EPS15L1: variants seen among roughly 807,000 people sequenced by gnomAD.
EPS15L1 encodes epidermal growth factor receptor pathway substrate 15 like 1.
EPS15L1 carries 43 observed loss-of-function variants against 117.1 expected under a neutral mutation model. The observed-to-expected ratio is 0.37, with a 90% CI of 0.29 to 0.47. The LOEUF is 0.47. Ranked by LOEUF, EPS15L1 falls within the 20% of genes least tolerant of loss-of-function variation. The probability of loss-of-function intolerance (pLI) is 0.99; values close to 1 mark genes in which losing one functional copy is unlikely to be tolerated. For synonymous variants in EPS15L1, 459 were observed against 470.5 expected (o/e 0.98, Z 0.32); for missense variants, 981 against 1,164.0 (o/e 0.84, Z 2.29).
chr19:16,417,417 A>C, intron 12 of EPS15L1, 135 bp downstream of exon 12: 1 of 735,404 alleles, frequency 1.4e-6, no homozygotes, highest in East Asian at 2.7e-5. Flanking sequence ...GGACCTCAGA[A>C]GCTGTATCTT....
intron 1 of EPS15L1, among the ~76,000 whole-genome samples, chr19:16,462,600 G>A (rs2093263701): frequency 6.6e-6 from 1 of 152,164 alleles, no homozygotes; most frequent in Non-Finnish European, 1.5e-5. Context: ...CCCAGATGGC[G>A]GAAGCTGCAG....
chr19:16,452,304 A>G (rs978755082), intron 1 of EPS15L1, among the ~76,000 whole-genome samples: 1 of 151,476 alleles, frequency 6.6e-6, no homozygotes, highest in Non-Finnish European at 1.5e-5. Context: ...AAATTAGCCA[A>G]GCGTGGTGGC....
intron 15 of EPS15L1, among the ~76,000 whole-genome samples, chr19:16,403,479 C>T (rs1186358168): frequency 6.6e-6 from 1 of 152,174 alleles, no homozygotes; most frequent in Non-Finnish European, 1.5e-5. Flanking sequence ...GTTCCCACCC[C>T]ACCCCGCCTA....
chr19:16,465,032 T>C (rs1599697356), intron 1 of EPS15L1, among the ~76,000 whole-genome samples: 1 of 151,660 alleles, frequency 6.6e-6, no homozygotes, highest in Admixed American at 6.6e-5. Context: ...TGAGCCGAAA[T>C]TGCACCACTG....
At chr19:16,364,739 C>T (rs1465226585) in intron 22 of EPS15L1, among the ~76,000 whole-genome samples, 1 of 152,206 alleles carries the variant, frequency 6.6e-6, no homozygotes, top group Non-Finnish European at 1.5e-5. Flanking sequence ...TCCTGTGAGC[C>T]CCAGGCTGTC....
intron 1 of EPS15L1, among the ~76,000 whole-genome samples, chr19:16,468,613 T>C (rs2093323440): frequency 6.6e-6 from 1 of 152,212 alleles, no homozygotes; most frequent in South Asian, 2.1e-4. Flanking sequence ...CCTAAAGTGC[T>C]GGGATTATAG....
chr19:16,425,388 C>A, intron 8 of EPS15L1, 72 bp from the exon 9 acceptor site: 1 of 1,111,874 alleles, frequency 9.0e-7, no homozygotes, highest in Non-Finnish European at 1.3e-6. Flanking sequence ...AGGCAGAGGG[C>A]AGCCCTTTGG....
intron 12 of EPS15L1, among the ~76,000 whole-genome samples, chr19:16,415,898 T>C (rs930670075): frequency 2.0e-5 from 3 of 152,264 alleles, no homozygotes; most frequent in African/African-American, 7.2e-5. Context: ...TGGCCCTGCA[T>C]CCTCAAGACA....
rs2092643735 is a variant in EPS15L1 at position 16,405,147 on chromosome 19, C to A, written c.1267-398G>T. On this transcript the variant is annotated intron_variant, in intron 13 of 23. Coordinates refer to ENST00000455140, the MANE Select transcript of EPS15L1 (RefSeq NM_001258374.3). The surrounding 1 kb of genome is among the most constrained non-coding windows in gnomAD (Gnocchi z 4.0). ...GGAAACTACAGTCACACCTTGTGGG[C>A]AGGGAAGATGCCCACAAAAGCAGCA... Among the ~76,000 whole-genome samples the A allele has an allele frequency of 6.6e-6, 1 of 152,208 alleles. No homozygotes were observed. The highest frequency in any genetic ancestry group is 1.5e-5 in the Non-Finnish European group (1 of 68,040).
intron 19 of EPS15L1, among the ~76,000 whole-genome samples, chr19:16,390,127 C>A (rs926171488): frequency 6.6e-6 from 1 of 151,424 alleles, no homozygotes. Flanking sequence ...ATGCTACTTA[C>A]AAAAGACACC....
chr19:16,428,766 A>G lies in EPS15L1; in HGVS notation c.499-5T>C, dbSNP rs2092902454. 1.2e-6 allele frequency: 2 copies of G among 1,607,984 alleles called. No individual in the cohort carries two copies. Among genetic ancestry groups the G allele is most frequent in the Non-Finnish European group, 1.7e-6 (2 of 1,177,512 alleles). The stretch of plus-strand genomic sequence containing the variant: ...AATGTCACTGAGGTCCCAGACCTGC[A>G]AGGGAGAGACCAGCATGGGTAACTG... On this transcript the variant is annotated splice_polypyrimidine_tract_variant and splice_region_variant and intron_variant, in intron 7 of 23. Coordinates refer to ENST00000455140, the MANE Select transcript of EPS15L1 (RefSeq NM_001258374.3).
intron 22 of EPS15L1, among the ~76,000 whole-genome samples, chr19:16,369,933 G>A (rs532632509): frequency 1.7e-4 from 26 of 152,316 alleles, no homozygotes; most frequent in Middle Eastern, 3.4e-3. Context: ...AGCCAGGCAC[G>A]GGGAGCCCTG....
chr19:16,461,584 T>C (rs1036519771), intron 1 of EPS15L1, among the ~76,000 whole-genome samples: 9 of 151,930 alleles, frequency 5.9e-5, no homozygotes, highest in African/African-American at 1.9e-4. Flanking sequence ...ATCGCGCCAC[T>C]GCACTCCAGC....
chr19:16,468,876 T>C (rs1165754714), intron 1 of EPS15L1, among the ~76,000 whole-genome samples: 1 of 152,002 alleles, frequency 6.6e-6, no homozygotes, highest in East Asian at 1.9e-4. Context: ...ATTAGCTGGG[T>C]ATGATTGGTG....
rs1037145605 is a variant in EPS15L1 at position 16,370,212 on chromosome 19, C to T, written c.2380+6910G>A. 6.6e-6 allele frequency among the ~76,000 whole-genome samples: 1 copy of T among 152,086 alleles called. No homozygotes were observed. The highest frequency in any genetic ancestry group is 6.5e-5 in the Admixed American group (1 of 15,278). On this transcript the variant is annotated intron_variant, in intron 22 of 23. Transcript: ENST00000455140. This position sits in a 1 kb window ranked among gnomAD's most constrained non-coding sequence, Gnocchi z 5.2. ...CTTTATGGCCAGATTCCCCATTGCC[C>T]GAGTGCATGTGATATTTTGCAGTTA... is the stretch of plus-strand genomic sequence containing the variant.
chr19:16,371,225 G>A lies in EPS15L1; in HGVS notation c.2380+5897C>T, dbSNP rs73021111. Among the ~76,000 whole-genome samples, 710 of 152,276 alleles carry A rather than the reference G, an allele frequency of 4.7e-3. 4 individuals carry two copies. The highest frequency in any genetic ancestry group is 8.2e-3 in the Non-Finnish European group (557 of 68,022). On this transcript the variant is annotated intron_variant, in intron 22 of 23. Transcript: ENST00000455140. The surrounding 1 kb of genome is among the most constrained non-coding windows in gnomAD (Gnocchi z 4.7). ...GATGTTGGCCTGGCATTTCAGAGAAGTGGGAGAGCTGGCAGCACTTAGGAC... is the reference window on the plus strand; with the variant it reads ...GATGTTGGCCTGGCATTTCAGAGAAATGGGAGAGCTGGCAGCACTTAGGAC...
chr19:16,403,481 C>T (rs977591697), intron 15 of EPS15L1, among the ~76,000 whole-genome samples: 16 of 152,194 alleles, frequency 1.1e-4, no homozygotes, highest in Admixed American at 6.5e-4. Context: ...TCCCACCCCA[C>T]CCCGCCTACT....
At position 16,355,738 on chromosome 19, in the gene EPS15L1, G is replaced by A; in HGVS notation, c.2700C>T (p.Ile900=). 5 of 1,536,002 alleles carry A rather than the reference G, an allele frequency of 3.3e-6. No individual in the cohort carries two copies. Among genetic ancestry groups the A allele is most frequent in the Non-Finnish European group, 3.5e-6 (4 of 1,146,810 alleles). ...CAGGCATGTCAGCCTTGCTGAGCGC[G>A]ATGGCCAGTTCCAGGTCCTCCTGCT... is the stretch of plus-strand genomic sequence containing the variant. ...RQEQEDLELA[I]ALSKADMPAA The change falls in exon 24 of 24, where the codon ATC becomes ATT. Residue 900 remains isoleucine, a synonymous_variant. Transcript: ENST00000455140.
intron 21 of EPS15L1, among the ~76,000 whole-genome samples, 175 bp downstream of exon 21, chr19:16,384,954 C>T (rs537879404): frequency 6.6e-6 from 1 of 152,316 alleles, no homozygotes; most frequent in African/African-American, 2.4e-5. Flanking sequence ...GCTCACCCCA[C>T]GGGACTGCAG....
Sources: gnomAD v4.1 joint callset for allele counts (sites outside exome capture counted in the v4.1 genomes callset) on GRCh38, gnomAD v4.1.1 for gene constraint, Gnocchi (gnomAD v3.1) non-coding constraint, MANE v1.5 for transcripts, NCBI Gene and HGNC (gene_info 2026-07-23, HGNC 2026-07-21) for gene names.